NT5C2: variants seen among roughly 807,000 people sequenced by gnomAD.
NT5C2 encodes 5'-nucleotidase, cytosolic II, also known as cytosolic purine 5'-nucleotidase.
NT5C2 carries 58 observed loss-of-function variants against 76.1 expected under a neutral mutation model. The ratio of observed to expected loss-of-function variants is 0.76; its 90% confidence interval spans 0.62 to 0.95. NT5C2 has a LOEUF of 0.95. NT5C2 is among the 40% of genes least tolerant of loss of function. The pLI, the probability that NT5C2 is intolerant of heterozygous loss-of-function variation, is 0.00. For missense variants in NT5C2, 478 were observed against 690.3 expected (o/e 0.69, Z 3.45); for synonymous variants, 229 against 237.4 (o/e 0.96, Z 0.32).
intron 4 of NT5C2, among the ~76,000 whole-genome samples, chr10:103,117,920 CTA>C (rs1003661064): frequency 1.3e-5 from 2 of 151,814 alleles, no homozygotes; most frequent in Non-Finnish European, 2.9e-5. Context: ...AAAAGTATGA[CTA>C]TGTAGAACAA....
At chr10:103,146,443 A>G (rs929948187) in intron 3 of NT5C2, 1 of 985,268 alleles carries the variant, frequency 1.0e-6, no homozygotes, top group Non-Finnish European at 1.2e-6. Context: ...ATGGGCTTGC[A>G]TAATTACACA....
At chr10:103,165,283 C>T (rs934430363) in intron 3 of NT5C2, among the ~76,000 whole-genome samples, 1 of 152,092 alleles carries the variant, frequency 6.6e-6, no homozygotes, top group African/African-American at 2.4e-5. Flanking sequence ...CACCTGAGGT[C>T]AGGAGTTCAA....
intron 4 of NT5C2, 29 bp from the exon 5 acceptor site, chr10:103,106,735 A>G: frequency 7.6e-7 from 1 of 1,310,660 alleles, no homozygotes; most frequent in African/African-American, 1.4e-5. Context: ...TTCATTAGTT[A>G]GCAGAAAGAA....
rs190253991 is a variant in NT5C2 at position 103,127,760 on chromosome 10, G to A, written c.175+11646C>T. ...GTTTAGAGAGACGGGGTTTCACTGT[G>A]TTGGCCAGGATGGTCTCGATCTCCT... is the stretch of plus-strand genomic sequence containing the variant. On this transcript the variant is annotated intron_variant, in intron 4 of 18. Coordinates refer to ENST00000404739, the MANE Select transcript of NT5C2 (RefSeq NM_001351169.2). Among the ~76,000 whole-genome samples the A allele has an allele frequency of 2.3e-3, 343 of 152,320 alleles. 4 individuals carry two copies. Among genetic ancestry groups the A allele is most frequent in the African/African-American group, 7.8e-3 (325 of 41,568 alleles).
intron 1 of NT5C2, among the ~76,000 whole-genome samples, chr10:103,192,967 G>C (rs940456079): frequency 1.3e-5 from 2 of 152,110 alleles, no homozygotes; most frequent in Non-Finnish European, 1.5e-5. Flanking sequence ...GCGTGACGTG[G>C]GCCGGAGGCG....
At chr10:103,135,569 G>GT (rs2079025558) in intron 4 of NT5C2, among the ~76,000 whole-genome samples, 1 of 151,830 alleles carries the variant, frequency 6.6e-6, no homozygotes, top group Non-Finnish European at 1.5e-5. Context: ...GAGGTCAGGA[G>GT]TTCAAGACCA....
At chr10:103,162,596 C>A (rs2085199083) in intron 3 of NT5C2, among the ~76,000 whole-genome samples, 1 of 152,120 alleles carries the variant, frequency 6.6e-6, no homozygotes, top group Admixed American at 6.5e-5. Flanking sequence ...TGCTCTCATA[C>A]ATTGTAAGTG....
Position 103,096,583 on chromosome 10 carries a change from C to T in NT5C2, c.772-603G>A, listed in dbSNP as rs550378842. On this transcript the variant is annotated intron_variant, in intron 11 of 18. Transcript: ENST00000404739. ...ATTTTGGGCTGGGCACAGTGACTCA[C>T]GCCTGTAATCCCAGCACTTTGGGAG... 4.6e-5 allele frequency among the ~76,000 whole-genome samples: 7 copies of T among 152,152 alleles called. No individual in the cohort carries two copies. The South Asian group carries it at 8.3e-4, about 18-fold the overall frequency.
intron 1 of NT5C2, among the ~76,000 whole-genome samples, chr10:103,184,298 C>T (rs2091727557): frequency 6.6e-6 from 1 of 152,110 alleles, no homozygotes; most frequent in South Asian, 2.1e-4. Flanking sequence ...ATTCAGAGTT[C>T]TTTATGTCAC....
chr10:103,098,791 C>T, intron 10 of NT5C2, 140 bp downstream of exon 10: 1 of 634,252 alleles, frequency 1.6e-6, no homozygotes, highest in Non-Finnish European at 2.7e-6. Flanking sequence ...GCTGAATATT[C>T]TTGGTGATTA....
At chr10:103,099,504 CTATTT>C (rs1308558216) in intron 9 of NT5C2, among the ~76,000 whole-genome samples, 2 of 152,082 alleles carry the variant, frequency 1.3e-5, no homozygotes. Flanking sequence ...AAAACAGTTT[CTATTT>C]TAAGTTTGAA....
intron 3 of NT5C2, among the ~76,000 whole-genome samples, chr10:103,143,556 C>T (rs975429069): frequency 8.3e-4 from 126 of 151,124 alleles, no homozygotes; most frequent in African/African-American, 3.0e-3. Flanking sequence ...TCAGCCTCAG[C>T]CTCCCAAGTA....
chr10:103,180,485 A>G (rs1363194709), intron 2 of NT5C2, among the ~76,000 whole-genome samples: 1 of 152,242 alleles, frequency 6.6e-6, no homozygotes, highest in Non-Finnish European at 1.5e-5. Flanking sequence ...TAATCCCAAC[A>G]CTTTGGGAGG....
At chr10:103,172,249 T>A (rs2134641443) in intron 3 of NT5C2, among the ~76,000 whole-genome samples, 1 of 147,848 alleles carries the variant, frequency 6.8e-6, no homozygotes, top group East Asian at 2.0e-4. Context: ...AACTTTAAAT[T>A]TTTTTTTTTT....
At chr10:103,142,023 G>A (rs2080518403) in intron 3 of NT5C2, among the ~76,000 whole-genome samples, 1 of 152,114 alleles carries the variant, frequency 6.6e-6, no homozygotes, top group South Asian at 2.1e-4. Flanking sequence ...GGCAACGCAG[G>A]CAAAATAACC....
chr10:103,088,745 G>A lies in NT5C2; in HGVS notation c.*927C>T, dbSNP rs1302218979. ...CTGATTGTGCCCTCTACTTTAGTAAGGTTCTGGCTTACAGAGCCCTCTTCC... is the reference window on the plus strand; with the variant it reads ...CTGATTGTGCCCTCTACTTTAGTAAAGTTCTGGCTTACAGAGCCCTCTTCC... On this transcript the variant is annotated 3_prime_UTR_variant, in exon 19 of 19. Transcript: ENST00000404739. 1 of 179,618 alleles carries A rather than the reference G, an allele frequency of 5.6e-6. No homozygotes were observed. The highest frequency in any genetic ancestry group is 1.2e-5 in the Non-Finnish European group (1 of 83,888). 11.1% of individuals were successfully genotyped at this position (179,618 alleles called of 1,614,324 possible). A position where few individuals can be genotyped will look rare whatever the true frequency, so the allele number is the denominator to read the frequency against.
chr10:103,094,777 G>A (rs1022396226), intron 12 of NT5C2, among the ~76,000 whole-genome samples: 5 of 151,856 alleles, frequency 3.3e-5, no homozygotes, highest in African/African-American at 1.2e-4. Context: ...AGCTACTTGG[G>A]AGGCTGAGGC....
At chr10:103,141,661 A>G (rs974476410) in intron 3 of NT5C2, among the ~76,000 whole-genome samples, 1 of 152,314 alleles carries the variant, frequency 6.6e-6, no homozygotes, top group Non-Finnish European at 1.5e-5. Flanking sequence ...TTGGGATTTT[A>G]TAACTCATTC....
At position 103,090,600 on chromosome 10, in the gene NT5C2, C is replaced by T. The variant is rs1177961148; in HGVS notation, c.1449+11G>A. 1 of 1,610,086 alleles carries T rather than the reference C, an allele frequency of 6.2e-7. No homozygotes were observed. Among genetic ancestry groups the T allele is most frequent in the Non-Finnish European group, 8.5e-7 (1 of 1,177,908 alleles). ...AGTACATCTTGGCTGTCCATTACAG[C>T]TTTAACTCACCAAGACATGGGCAGC... On this transcript the variant is annotated intron_variant, in intron 18 of 18. Transcript: ENST00000404739.
Sources: allele counts gnomAD v4.1 joint callset (sites outside exome capture counted in the v4.1 genomes callset), GRCh38; gene constraint gnomAD v4.1.1; transcripts MANE v1.5; gene names NCBI Gene and HGNC (gene_info 2026-07-23, HGNC 2026-07-21).